SAG: variants seen among roughly 807,000 people sequenced by gnomAD.
SAG encodes the protein S-antigen visual arrestin, also known as S-arrestin.
Under a neutral mutation model 55.0 loss-of-function variants are expected in SAG, and 45 were observed. That is an observed-to-expected ratio of 0.82 (90% CI 0.64 to 1.05). The LOEUF is 1.05. Ranked by LOEUF, SAG falls within the 50% of genes least tolerant of loss-of-function variation. SAG has a pLI of 0.00. For synonymous variants in SAG, 189 were observed against 197.4 expected (o/e 0.96, Z 0.36); for missense variants, 455 against 512.1 (o/e 0.89, Z 1.08).
chr2:233,346,569 G>GGCAC (rs1701258486), intron 15 of SAG, among the ~76,000 whole-genome samples, 157 bp downstream of exon 15: 1 of 152,140 alleles, frequency 6.6e-6, no homozygotes, highest in East Asian at 1.9e-4. Flanking sequence ...TAGTGCTTAC[G>GGCAC]GCACGCACGC....
At chr2:233,323,843 G>A (rs898022455) in intron 6 of SAG, among the ~76,000 whole-genome samples, 3 of 152,134 alleles carry the variant, frequency 2.0e-5, no homozygotes, top group Non-Finnish European at 4.4e-5. Context: ...CATTAACCGA[G>A]AGCACCAGGT....
chr2:233,328,426 C>T, intron 7 of SAG, 52 bp from the exon 8 acceptor site: 1 of 1,591,892 alleles, frequency 6.3e-7, no homozygotes, highest in Non-Finnish European at 8.6e-7. Flanking sequence ...AGAAGCCTCC[C>T]TAAAGCGGCC....
In SAG at chr2:233,322,959, T is replaced by C. The variant is rs1397234514; in HGVS notation, c.389T>C (p.Leu130Ser). 1 of 1,571,790 alleles carries C rather than the reference T, an allele frequency of 6.4e-7. No individual in the cohort carries two copies. Among genetic ancestry groups the C allele is most frequent in the East Asian group, 2.3e-5 (1 of 43,738 alleles). Reference sequence around the variant, plus strand: ...TTCTTTCCACAGTTTCCTGACTACTTGCCCTGTTCAGTGATGTTGCAGCCA... The same window carrying C: ...TTCTTTCCACAGTTTCCTGACTACTCGCCCTGTTCAGTGATGTTGCAGCCA... The part of the protein sequence containing the change: ...YPFLLTFPDY[L>S]PCSVMLQPAP... Residue 130 changes from leucine to serine, a missense_variant, in exon 6 of 16, where the codon TTG (leucine) becomes TCG (serine). Leu to Ser is a moderately radical substitution (Grantham distance 145). Coordinates refer to ENST00000409110, the MANE Select transcript of SAG (RefSeq NM_000541.5).
chr2:233,339,805 G>T (rs1701045810), intron 12 of SAG, among the ~76,000 whole-genome samples: 1 of 151,304 alleles, frequency 6.6e-6, no homozygotes, highest in African/African-American at 2.4e-5. Flanking sequence ...TGGGATTACA[G>T]GTGCCCACCA....
At chr2:233,338,912 G>C (rs1301251181) in intron 12 of SAG, 159 bp downstream of exon 12, 1 of 720,880 alleles carries the variant, frequency 1.4e-6, no homozygotes, top group Non-Finnish European at 2.5e-6. Context: ...TGTTTGTCTA[G>C]TACCATGCTT....
chr2:233,332,646 A>C (rs7570515), intron 10 of SAG: 110,385 of 150,300 alleles, frequency 0.73, 40,974 homozygotes, highest in African/African-American at 0.83. Flanking sequence ...CCCGCCACCA[A>C]GCCCAGCTAA....
chr2:233,346,845 G>T lies in SAG; in HGVS notation c.1151G>T (p.Arg384Leu). ...DANLVFEEFA[R>L]HNLKDAGEAE... Reference sequence around the variant, plus strand: ...AATTTAGTTTTTGAGGAGTTTGCTCGCCATAATCTGAAAGATGCAGGAGAA... The same window carrying T: ...AATTTAGTTTTTGAGGAGTTTGCTCTCCATAATCTGAAAGATGCAGGAGAA... The change falls in exon 16 of 16, where the codon CGC (arginine) becomes CTC (leucine). Residue 384 changes from arginine (R) to leucine (L), a missense_variant. Transcript: ENST00000409110. 2 of 1,612,702 alleles carry T rather than the reference G, an allele frequency of 1.2e-6. No individual in the cohort carries two copies. Among genetic ancestry groups the T allele is most frequent in the Non-Finnish European group, 1.7e-6 (2 of 1,179,142 alleles).
intron 10 of SAG, chr2:233,333,889 CTG>C (rs1178448464): frequency 6.6e-6 from 1 of 152,222 alleles, no homozygotes; most frequent in African/African-American, 2.4e-5. Context: ...CCTGTAGACA[CTG>C]GAGGCAGGAT....
At chr2:233,328,266 C>A in intron 7 of SAG, 1 of 482,812 alleles carries the variant, frequency 2.1e-6, no homozygotes, top group South Asian at 4.3e-5. Context: ...CAGCTTCCCC[C>A]ACAGGGAAGG....
chr2:233,314,307 A>G (rs1700160473), intron 2 of SAG, among the ~76,000 whole-genome samples: 2 of 152,066 alleles, frequency 1.3e-5, no homozygotes, highest in African/African-American at 4.8e-5. Flanking sequence ...CCTGGGGTTA[A>G]GGGATGAGGG....
chr2:233,309,960 A>G (rs895857794), intron 2 of SAG, among the ~76,000 whole-genome samples: 1 of 152,206 alleles, frequency 6.6e-6, no homozygotes, highest in East Asian at 1.9e-4. Context: ...TGCCTGGGTA[A>G]AACCCAGACA....
Position 233,346,561 on chromosome 2 carries a change from G to C in SAG, c.1112+149G>C. 3 of 923,096 alleles carry C rather than the reference G, an allele frequency of 3.2e-6. No homozygotes were observed. The South Asian group carries it at 4.0e-5, about 12-fold the overall frequency. The allele number at this position is 923,096 out of a possible 1,614,324, so 57.2% of individuals were successfully genotyped here. ...TCCGCTACTTCCCGTCTGCTCCCTAGTGCTTACGGCACGCACGCACCATTA... is the reference window on the plus strand; with the variant it reads ...TCCGCTACTTCCCGTCTGCTCCCTACTGCTTACGGCACGCACGCACCATTA... On this transcript the variant is annotated intron_variant, in intron 15 of 15. Coordinates refer to ENST00000409110, the MANE Select transcript of SAG (RefSeq NM_000541.5).
chr2:233,319,452 C>A lies in SAG; in HGVS notation c.181+657C>A. ...TAAACCAAATTAGAACAGATTCCAGCTATCCTTGTGATAATGTCACTGACT... is the reference window on the plus strand; with the variant it reads ...TAAACCAAATTAGAACAGATTCCAGATATCCTTGTGATAATGTCACTGACT... On this transcript the variant is annotated intron_variant, in intron 4 of 15. Transcript: ENST00000409110. This position sits in a 1 kb window ranked among gnomAD's most constrained non-coding sequence, Gnocchi z 4.4. The A allele has an allele frequency of 2.5e-6, 1 of 404,212 alleles. No homozygotes were observed. Among genetic ancestry groups the A allele is most frequent in the Non-Finnish European group, 3.4e-6 (1 of 293,068 alleles). 25.0% of individuals were successfully genotyped at this position (404,212 alleles called of 1,614,324 possible).
In SAG at chr2:233,322,950, C is replaced by G. The variant is rs1461391995; in HGVS notation, c.380C>G (p.Pro127Arg). The G allele has an allele frequency of 4.0e-5, 62 of 1,563,782 alleles. No homozygotes were observed. The highest frequency in any genetic ancestry group is 5.4e-5 in the Non-Finnish European group (62 of 1,149,204). ...TTTATTTGTTTCTTTCCACAGTTTC[C>G]TGACTACTTGCCCTGTTCAGTGATG... ...SNTYPFLLTFPDYLPCSVMLQ... is the reference protein window; with the variant it reads ...SNTYPFLLTFRDYLPCSVMLQ... Residue 127 changes from proline to arginine, a missense_variant, in exon 6 of 16, where the codon CCT becomes CGT. Physicochemically the swap from Pro to Arg is moderately radical, Grantham distance 103. Coordinates refer to ENST00000409110, the MANE Select transcript of SAG (RefSeq NM_000541.5).
At chr2:233,346,455 C>T (rs1232216998) in intron 15 of SAG, 43 bp downstream of exon 15, 2 of 1,600,858 alleles carry the variant, frequency 1.2e-6, no homozygotes, top group African/African-American at 1.3e-5. Context: ...GTCCTATGCT[C>T]TGGGACCTTC....
At chr2:233,331,857 G>T (rs1287937064) in intron 10 of SAG, 145 bp downstream of exon 10, 3 of 682,282 alleles carry the variant, frequency 4.4e-6, no homozygotes, top group Non-Finnish European at 8.0e-6. Context: ...TTCGAGGGCT[G>T]CACAGAAAGT....
intron 3 of SAG, among the ~76,000 whole-genome samples, chr2:233,317,771 T>C (rs1374251340): frequency 6.6e-6 from 1 of 152,172 alleles, no homozygotes; most frequent in Non-Finnish European, 1.5e-5. Flanking sequence ...ACATAGCTAT[T>C]AAAATGATTA....
At chr2:233,324,130 C>T (rs1250498718) in intron 6 of SAG, among the ~76,000 whole-genome samples, 1 of 152,152 alleles carries the variant, frequency 6.6e-6, no homozygotes, top group Non-Finnish European at 1.5e-5. Flanking sequence ...AGTGCAGTGG[C>T]TCAGGCCTGT....
rs888819740 is a variant in SAG at position 233,328,587 on chromosome 2, C to T, written c.622C>T (p.His208Tyr). The T allele has an allele frequency of 6.2e-7, 1 of 1,613,348 alleles. No individual in the cohort carries two copies. The highest frequency in any genetic ancestry group is 2.2e-5 in the East Asian group (1 of 44,874). ...GTTCTTCATGTCTGACAAGCCCCTGCACCTTGCGGTCTCTCTCAACAAAGA... is the reference window on the plus strand; with the variant it reads ...GTTCTTCATGTCTGACAAGCCCCTGTACCTTGCGGTCTCTCTCAACAAAGA... ...WQFFMSDKPL[H>Y]LAVSLNKEIY... The change falls in exon 8 of 16, where the codon CAC becomes TAC. Residue 208 changes from histidine (H) to tyrosine (Y), a missense_variant. Transcript: ENST00000409110.
Sources: allele counts gnomAD v4.1 joint callset (sites outside exome capture counted in the v4.1 genomes callset), GRCh38; gene constraint gnomAD v4.1.1; non-coding constraint Gnocchi (gnomAD v3.1); transcripts MANE v1.5; gene names NCBI Gene and HGNC (gene_info 2026-07-23, HGNC 2026-07-21).